The following PCDHGA8 variants were observed in gnomAD, a reference collection of about 807,000 sequenced individuals.
PCDHGA8 encodes the protein protocadherin gamma-A8.
Under a neutral mutation model 59.2 loss-of-function variants are expected in PCDHGA8, and 45 were observed. That is an observed-to-expected ratio of 0.76 (90% confidence interval 0.60 to 0.98). The LOEUF (loss-of-function observed/expected upper bound fraction) is 0.98, where lower values mean the gene tolerates loss of function less well. Among genes scored for constraint, PCDHGA8 ranks in the 50% least tolerant of loss-of-function variants. The pLI is 0.00. For synonymous variants in PCDHGA8, 531 were observed against 519.0 expected, an observed-to-expected ratio of 1.02 and a Z score of -0.32; for missense variants, 1,257 against 1,196.2, an observed-to-expected ratio of 1.05 and a Z score of -0.75.
rs766387243 is a variant in PCDHGA8 at position 141,489,017 on chromosome 5, TCTC to T, written c.2425-5782_2425-5780del. The stretch of plus-strand genomic sequence containing the variant: ...GGGAGATCTGCTCTTCCAGCCCGCC[TCTC>T]CTCCTCCAGCTCCCCAGCTCCACTC... On this transcript the variant is annotated intron_variant, in intron 1 of 3. Transcript: ENST00000398604. This position sits in a 1 kb window ranked among gnomAD's most constrained non-coding sequence, Gnocchi z 4.5. 2 of 435,354 alleles carry T rather than the reference TCTC, an allele frequency of 4.6e-6. No individual in the cohort carries two copies. Among genetic ancestry groups the T allele is most frequent in the Non-Finnish European group, 8.1e-6 (2 of 247,876 alleles). The allele number at this position is 435,354 out of a possible 1,614,324, so 27.0% of individuals were successfully genotyped here. A position where few individuals can be genotyped will look rare whatever the true frequency, so the allele number is the denominator to read the frequency against.
chr5:141,502,667 T>G (rs2099815574), intron 2 of PCDHGA8, among the ~76,000 whole-genome samples: 1 of 152,236 alleles, frequency 6.6e-6, no homozygotes. Context: ...TTCATGCAAT[T>G]TTAGTATTCC....
In PCDHGA8 at chr5:141,441,804, C is replaced by CAT. The variant is rs1189673284; in HGVS notation, c.2424+46567_2424+46568insAT. The CAT allele has an allele frequency of 6.5e-4, 249 of 382,482 alleles. 2 individuals are homozygous for CAT. Among genetic ancestry groups the CAT allele is most frequent in the African/African-American group, 4.8e-3 (221 of 45,888 alleles). 23.7% of individuals were successfully genotyped at this position (382,482 alleles called of 1,614,324 possible). The stretch of plus-strand genomic sequence containing the variant: ...CCTGAATGACAACGCACCGCGGGTG[C>CAT]TGTACCCCAGCTCTGGAGCGCAATG... On this transcript the variant is annotated intron_variant, in intron 1 of 3. Transcript: ENST00000398604.
At position 141,459,533 on chromosome 5, in the gene PCDHGA8, A is replaced by AT. The variant is rs956234847; in HGVS notation, c.2425-35266dup. Among the ~76,000 whole-genome samples the AT allele has an allele frequency of 1.2e-4, 18 of 152,018 alleles. No homozygotes were observed. In the South Asian group the frequency reaches 2.3e-3, roughly 19 times the overall value. ...CATGTACAAGTATTTTTGTAGGCAT[A>AT]TTTTTTTTATTTCTCTTGGATAAAT... is the stretch of plus-strand genomic sequence containing the variant. On this transcript the variant is annotated intron_variant, in intron 1 of 3. Transcript: ENST00000398604.
At chr5:141,451,776 G>C (rs1279891846) in intron 1 of PCDHGA8, among the ~76,000 whole-genome samples, 1 of 152,078 alleles carries the variant, frequency 6.6e-6, no homozygotes, top group Non-Finnish European at 1.5e-5. Flanking sequence ...AGCTACTCAG[G>C]AGGCTGAGGC....
chr5:141,485,958 T>C lies in PCDHGA8; in HGVS notation c.2425-8849T>C. On this transcript the variant is annotated intron_variant, in intron 1 of 3. Transcript: ENST00000398604. The surrounding 1 kb of genome is among the most constrained non-coding windows in gnomAD (Gnocchi z 5.7). ...AGCGCACCAGCGGGCATGGTGCTCATCCAGCTCAATGCCTCAGACCCGGAC... is the reference window on the plus strand; with the variant it reads ...AGCGCACCAGCGGGCATGGTGCTCACCCAGCTCAATGCCTCAGACCCGGAC... 1 of 1,614,190 alleles carries C rather than the reference T, an allele frequency of 6.2e-7. No individual in the cohort carries two copies. The highest frequency in any genetic ancestry group is 8.5e-7 in the Non-Finnish European group (1 of 1,180,032).
chr5:141,476,055 GT>G lies in PCDHGA8; in HGVS notation c.2425-18749del. 6.7e-7 allele frequency: 1 copy of G among 1,503,516 alleles called. No homozygotes were observed. Among genetic ancestry groups the G allele is most frequent in the South Asian group, 1.3e-5 (1 of 75,386 alleles). The allele number at this position is 1,503,516 out of a possible 1,614,324, so 93.1% of individuals were successfully genotyped here. ...GCGCCCAAGCGCTAACCCGCTGAAA[GT>G]TTCTCAGCGAAATCTCAGGGACGAT... On this transcript the variant is annotated intron_variant, in intron 1 of 3. Transcript: ENST00000398604. The surrounding 1 kb of genome is among the most constrained non-coding windows in gnomAD (Gnocchi z 7.6).
chr5:141,441,179 C>G (rs150511376), intron 1 of PCDHGA8: 13 of 152,210 alleles, frequency 8.5e-5, no homozygotes, highest in South Asian at 2.1e-4. Context: ...ACTTCTAATT[C>G]CACAATGATT....
Position 141,489,791 on chromosome 5 carries a change from C to G in PCDHGA8, c.2425-5016C>G. ...AGCCACTTCTCTCTGAATGTGAAGA[C>G]CCTAAAAGATGGGAAGCCATTCCCA... On this transcript the variant is annotated intron_variant, in intron 1 of 3. Transcript: ENST00000398604. The surrounding 1 kb of genome is among the most constrained non-coding windows in gnomAD (Gnocchi z 4.5). 2 of 1,614,174 alleles carry G rather than the reference C, an allele frequency of 1.2e-6. No individual in the cohort carries two copies. The highest frequency in any genetic ancestry group is 1.7e-6 in the Non-Finnish European group (2 of 1,180,002).
chr5:141,394,701 C>A lies in PCDHGA8; in HGVS notation c.1888C>A (p.Arg630=), dbSNP rs375281416. The A allele has an allele frequency of 5.0e-6, 8 of 1,613,162 alleles. No individual in the cohort carries two copies. The highest frequency in any genetic ancestry group is 6.8e-6 in the Non-Finnish European group (8 of 1,179,880). Residue 630 remains arginine (R), a synonymous_variant, in exon 1 of 4, where the codon CGA becomes AGA. Coordinates refer to ENST00000398604, the MANE Select transcript of PCDHGA8 (RefSeq NM_032088.2). Reference sequence around the variant, plus strand: ...GCACACGGGCGAGGTGCGCACGGCGCGAGCCCTGCTGGACAGAGATGCGCT... The same window carrying A: ...GCACACGGGCGAGGTGCGCACGGCGAGAGCCCTGCTGGACAGAGATGCGCT... The part of the protein sequence containing the change: ...GLHTGEVRTA[R]ALLDRDALKQ...
At chr5:141,501,423 A>C (rs1195105794) in intron 2 of PCDHGA8, among the ~76,000 whole-genome samples, 1 of 151,966 alleles carries the variant, frequency 6.6e-6, no homozygotes, top group Non-Finnish European at 1.5e-5. Flanking sequence ...AGTTGACTAA[A>C]TGTAGTCCAT....
intron 1 of PCDHGA8, chr5:141,397,910 C>G (rs1016162515): frequency 1.3e-5 from 9 of 680,688 alleles, no homozygotes; most frequent in Non-Finnish European, 2.2e-5. Flanking sequence ...GCTTGGCGCT[C>G]CAGATCTCCT....
chr5:141,462,036 G>A (rs760555655), intron 1 of PCDHGA8, among the ~76,000 whole-genome samples: 5 of 151,978 alleles, frequency 3.3e-5, no homozygotes, highest in African/African-American at 7.3e-5. Flanking sequence ...TTGGTCAGGC[G>A]GGTCTTGAAC....
intron 1 of PCDHGA8, chr5:141,400,729 A>G: frequency 1.5e-6 from 1 of 649,042 alleles, no homozygotes. Flanking sequence ...TTTACAAAGT[A>G]GTGAGAGTTT....
intron 1 of PCDHGA8, chr5:141,412,862 T>A (rs957973834): frequency 7.5e-5 from 18 of 241,156 alleles, no homozygotes; most frequent in African/African-American, 3.4e-4. Context: ...AAAGAATCTA[T>A]GTAAAATATA....
chr5:141,500,345 A>G (rs1459262760), intron 2 of PCDHGA8, among the ~76,000 whole-genome samples: 3 of 151,916 alleles, frequency 2.0e-5, no homozygotes, highest in Non-Finnish European at 4.4e-5. Context: ...AATAGCTGGG[A>G]CTACAGGCGC....
At chr5:141,404,865 T>C (rs1308625182) in intron 1 of PCDHGA8, 12 of 1,613,552 alleles carry the variant, frequency 7.4e-6, no homozygotes, top group Non-Finnish European at 1.0e-5. Flanking sequence ...AGAGATGCGC[T>C]CAAACAGAGC....
At chr5:141,472,980 C>CAAAAAAAAAAAAAAAAAAAAAAAA (rs60579131) in intron 1 of PCDHGA8, among the ~76,000 whole-genome samples, 7 of 86,078 alleles carry the variant, frequency 8.1e-5, no homozygotes, top group African/African-American at 1.9e-4. Context: ...GAGTGAAACT[C>CAAAAAAAAAAAAAAAAAAAAAAAA]AAAAAAAAAA....
rs2099884522 is a variant in PCDHGA8, at chr5:141,512,941, T to C, written c.*1768T>C. On this transcript the variant is annotated 3_prime_UTR_variant, in exon 4 of 4. Transcript: ENST00000398604. ...CTAATATTTATATGGCTTTTTTTCT[T>C]CGACAAAAAAATAATAAAACGTTTC... The C allele has an allele frequency of 6.6e-6, 1 of 151,892 alleles. No individual in the cohort carries two copies. The highest frequency in any genetic ancestry group is 6.6e-5 in the Admixed American group (1 of 15,236). The allele number at this position is 151,892 out of a possible 1,614,324, so 9.4% of individuals were successfully genotyped here.
At chr5:141,423,967 A>C (rs760284844) in intron 1 of PCDHGA8, 11 of 1,153,498 alleles carry the variant, frequency 9.5e-6, no homozygotes, top group Non-Finnish European at 1.2e-5. Flanking sequence ...TTTTTCTATT[A>C]TCAGTGTATG....
Sources: gnomAD v4.1 joint callset for allele counts (sites outside exome capture counted in the v4.1 genomes callset) on GRCh38, gnomAD v4.1.1 for gene constraint, Gnocchi (gnomAD v3.1) non-coding constraint, MANE v1.5 for transcripts, NCBI Gene and HGNC (gene_info 2026-07-23, HGNC 2026-07-21) for gene names.